Variants in ART3 observed in about 807,000 individuals in gnomAD.
ART3 encodes ecto-ADP-ribosyltransferase 3.
A neutral mutation model predicts 48.5 loss-of-function variants in ART3; 49 were observed. That is an observed-to-expected ratio of 1.01 (90% CI 0.80 to 1.28). ART3 has a LOEUF of 1.28. ART3 is among the 50% of genes most tolerant of loss of function. ART3 has a pLI of 0.00. For missense variants in ART3, 438 were observed against 454.3 expected (o/e 0.96, Z 0.33); for synonymous variants, 145 against 157.2 (o/e 0.92, Z 0.58).
chr4:76,024,667 T>C (rs1733204794), intron 1 of ART3, among the ~76,000 whole-genome samples: 1 of 152,156 alleles, frequency 6.6e-6, no homozygotes, highest in South Asian at 2.1e-4. Context: ...TAACAGGGAA[T>C]CCAAGATGAA....
chr4:76,052,796 C>A (rs568718231), intron 1 of ART3, among the ~76,000 whole-genome samples: 2 of 151,358 alleles, frequency 1.3e-5, no homozygotes, highest in Non-Finnish European at 2.9e-5. Context: ...CTTGCTGCAA[C>A]CCCTGCCTCC....
At chr4:76,077,995 G>A (rs565930696) in intron 2 of ART3, among the ~76,000 whole-genome samples, 1 of 151,740 alleles carries the variant, frequency 6.6e-6, no homozygotes, top group South Asian at 2.1e-4. Context: ...TTCATGATTT[G>A]CTTAGCCAGT....
At chr4:76,101,046 G>A in intron 8 of ART3, 27 bp downstream of exon 8, 2 of 1,611,560 alleles carry the variant, frequency 1.2e-6, no homozygotes, top group Non-Finnish European at 8.5e-7. Context: ...AATTCTGGGG[G>A]CTTACATTTT....
intron 1 of ART3, chr4:76,023,365 C>G: frequency 1.2e-6 from 2 of 1,606,336 alleles, no homozygotes; most frequent in Non-Finnish European, 1.7e-6. Flanking sequence ...CTTTGATGTT[C>G]CTTACCTTGA....
chr4:76,090,502 C>T (rs1337322050), intron 3 of ART3, among the ~76,000 whole-genome samples: 1 of 152,184 alleles, frequency 6.6e-6, no homozygotes, highest in Non-Finnish European at 1.5e-5. Context: ...TTTGTAATTT[C>T]TTTGGATCTG....
rs1724236703 is a variant in ART3, at chr4:76,089,018, C to T, written c.781+6483C>T. Among the ~76,000 whole-genome samples, 3 of 152,076 alleles carry T rather than the reference C, an allele frequency of 2.0e-5. No individual in the cohort carries two copies. The South Asian group carries it at 6.2e-4, about 32-fold the overall frequency. The stretch of plus-strand genomic sequence containing the variant: ...AAAATCAATGTGGCATTTATCAATA[C>T]CCCAAATTAATAAATATTTATATCT... On this transcript the variant is annotated intron_variant, in intron 3 of 11. Coordinates refer to ENST00000355810, the MANE Select transcript of ART3 (RefSeq NM_001130016.3).
intron 11 of ART3, among the ~76,000 whole-genome samples, chr4:76,109,536 A>G (rs1484704424): frequency 1.4e-5 from 2 of 147,884 alleles, no homozygotes; most frequent in Non-Finnish European, 3.0e-5. Context: ...AAGTACATAA[A>G]ACAGTAACAT....
At chr4:76,059,759 GA>G (rs1719027969) in intron 1 of ART3, among the ~76,000 whole-genome samples, 2 of 152,182 alleles carry the variant, frequency 1.3e-5, no homozygotes, top group African/African-American at 4.8e-5. Context: ...TTAAGCACAG[GA>G]GGATTTACTT....
At chr4:76,064,851 A>G (rs1448471000) in intron 1 of ART3, among the ~76,000 whole-genome samples, 1 of 130,616 alleles carries the variant, frequency 7.7e-6, no homozygotes, top group East Asian at 2.4e-4. Context: ...TTTTTTTTTG[A>G]GACAGGGTCT....
At chr4:76,102,195 T>C (rs1486522904) in intron 8 of ART3, among the ~76,000 whole-genome samples, 1 of 152,204 alleles carries the variant, frequency 6.6e-6, no homozygotes, top group African/African-American at 2.4e-5. Context: ...AGTAGAAAAA[T>C]AACTGATTAG....
chr4:76,095,903 T>A (rs1489836115), intron 3 of ART3, among the ~76,000 whole-genome samples: 2 of 151,990 alleles, frequency 1.3e-5, no homozygotes, highest in Non-Finnish European at 1.5e-5. Flanking sequence ...TTGTACTCAC[T>A]CATCTCCTGC....
chr4:76,016,208 A>G (rs1425263993), intron 1 of ART3, among the ~76,000 whole-genome samples: 1 of 152,184 alleles, frequency 6.6e-6, no homozygotes, highest in East Asian at 1.9e-4. Context: ...TTTCCACTGA[A>G]AAGTTTGCTG....
At chr4:76,089,018 C>A (rs1724236703) in intron 3 of ART3, among the ~76,000 whole-genome samples, 1 of 152,076 alleles carries the variant, frequency 6.6e-6, no homozygotes, top group Non-Finnish European at 1.5e-5. Context: ...TTTATCAATA[C>A]CCCAAATTAA....
chr4:76,092,819 T>C (rs1274662289), intron 3 of ART3, among the ~76,000 whole-genome samples: 3 of 152,212 alleles, frequency 2.0e-5, no homozygotes, highest in African/African-American at 7.2e-5. Flanking sequence ...ATGTTTCTTG[T>C]TATTAGTATT....
At chr4:76,079,918 T>A (rs62318910) in intron 2 of ART3, among the ~76,000 whole-genome samples, 40,810 of 149,166 alleles carry the variant, frequency 0.27, 7,161 homozygotes, top group African/African-American at 0.51. Flanking sequence ...TCTCTCTCTC[T>A]CACACACACA....
chr4:76,025,271 G>A (rs1733274488), intron 1 of ART3, among the ~76,000 whole-genome samples: 2 of 152,188 alleles, frequency 1.3e-5, no homozygotes, highest in Non-Finnish European at 2.9e-5. Flanking sequence ...ACAAATTTCA[G>A]AGAAATGTCT....
chr4:76,089,952 T>C (rs1724496242), intron 3 of ART3, among the ~76,000 whole-genome samples: 1 of 152,052 alleles, frequency 6.6e-6, no homozygotes, highest in Non-Finnish European at 1.5e-5. Flanking sequence ...TGGTGGTGGG[T>C]ACCTGTAGTC....
intron 11 of ART3, among the ~76,000 whole-genome samples, chr4:76,112,150 TTGTG>T (rs1323147911): frequency 1.3e-5 from 2 of 152,250 alleles, no homozygotes; most frequent in Non-Finnish European, 2.9e-5. Flanking sequence ...TAGGTTTTCA[TTGTG>T]TGGGGGTTGG....
Position 76,051,599 on chromosome 4 carries a change from G to A in ART3, c.-9-24282G>A, listed in dbSNP as rs142589967. The stretch of plus-strand genomic sequence containing the variant: ...CTATCGCCCAGGCTGGAGTGCAATG[G>A]CGTGATCTCGGCTGACCGCAGTATC... On this transcript the variant is annotated intron_variant, in intron 1 of 9. Coordinates refer to the ART3 transcript ENST00000341029. Among the ~76,000 whole-genome samples, 1,124 of 151,508 alleles carry A rather than the reference G, an allele frequency of 7.4e-3. 6 individuals carry two copies. The highest frequency in any genetic ancestry group is 0.012 in the Non-Finnish European group (796 of 67,876).
Sources: allele counts gnomAD v4.1 joint callset (sites outside exome capture counted in the v4.1 genomes callset), GRCh38; gene constraint gnomAD v4.1.1; transcripts MANE v1.5; gene names NCBI Gene and HGNC (gene_info 2026-07-23, HGNC 2026-07-21).